The following ANKS1B variants were observed in gnomAD, a reference collection of about 807,000 sequenced individuals.
ANKS1B encodes ankyrin repeat and sterile alpha motif domain-containing protein 1B.
Under a neutral mutation model 148.3 loss-of-function variants are expected in ANKS1B, and 36 were observed. That is an observed-to-expected ratio of 0.24 (90% CI 0.19 to 0.32). The LOEUF is 0.32. ANKS1B is among the 10% of genes least tolerant of loss of function. The pLI is 1.00. For synonymous variants in ANKS1B, 542 were observed against 560.8 expected (o/e 0.97, Z 0.47); for missense variants, 1,157 against 1,542.6 (o/e 0.75, Z 4.19).
chr12:99,470,649 C>G, intron 10 of ANKS1B, among the ~76,000 whole-genome samples: 1 of 152,236 alleles, frequency 6.6e-6, no homozygotes, highest in Middle Eastern at 3.4e-3. Context: ...TTTATGCTAA[C>G]AAGAGTGTGC....
chr12:98,783,899 G>A (rs370287600), intron 22 of ANKS1B, among the ~76,000 whole-genome samples: 1 of 152,242 alleles, frequency 6.6e-6, no homozygotes, highest in South Asian at 2.1e-4. Context: ...CTGGATGCAG[G>A]GAGTCAGGAA....
Position 99,772,872 on chromosome 12 carries a change from G to C in ANKS1B, c.1128+50C>G, listed in dbSNP as rs766008091. The C allele has an allele frequency of 1.1e-5, 17 of 1,552,826 alleles. No homozygotes were observed. In the South Asian group the frequency reaches 2.1e-4, roughly 19 times the overall value. ...CCCATACCTCTTAAGTGTACACACTGAACTGGCAAAGACAGACACATTATC... is the reference window on the plus strand; with the variant it reads ...CCCATACCTCTTAAGTGTACACACTCAACTGGCAAAGACAGACACATTATC... On this transcript the variant is annotated intron_variant, in intron 8 of 26. Transcript: ENST00000683438.
At chr12:99,170,963 G>C (rs1338251342) in intron 14 of ANKS1B, among the ~76,000 whole-genome samples, 1 of 152,120 alleles carries the variant, frequency 6.6e-6, no homozygotes, top group African/African-American at 2.4e-5. Flanking sequence ...ATTTTTGAAG[G>C]TACTGGTTTA....
chr12:99,740,363 C>T (rs7971123), intron 8 of ANKS1B, among the ~76,000 whole-genome samples: 66,489 of 151,804 alleles, frequency 0.44, 14,967 homozygotes, highest in South Asian at 0.61. Flanking sequence ...TCAATAAATA[C>T]AGGCTACTGT....
chr12:99,175,219 A>C (rs1029711602), intron 14 of ANKS1B, among the ~76,000 whole-genome samples: 5 of 152,324 alleles, frequency 3.3e-5, no homozygotes, highest in African/African-American at 1.2e-4. Flanking sequence ...AAAGCCAAAT[A>C]ACATCTTTAA....
At chr12:99,631,322 C>T (rs1287062655) in intron 9 of ANKS1B, among the ~76,000 whole-genome samples, 1 of 151,716 alleles carries the variant, frequency 6.6e-6, no homozygotes, top group East Asian at 1.9e-4. Context: ...AAATTGTTAC[C>T]GAGAAGTGGA....
intron 10 of ANKS1B, among the ~76,000 whole-genome samples, chr12:99,489,275 T>C (rs947162117): frequency 6.7e-6 from 1 of 149,956 alleles, no homozygotes; most frequent in Non-Finnish European, 1.5e-5. Flanking sequence ...CCCACAAATG[T>C]ATATACACCA....
At position 99,784,420 on chromosome 12, in the gene ANKS1B, T is replaced by C. The variant is rs565541341; in HGVS notation, c.670-2323A>G. On this transcript the variant is annotated intron_variant, in intron 4 of 26. Transcript: ENST00000683438. Reference sequence around the variant, plus strand: ...ATCTCCTGACCTCATGATCCACCCGTCTTGGCCTCCCAAAGTGCTGGGATT... The same window carrying C: ...ATCTCCTGACCTCATGATCCACCCGCCTTGGCCTCCCAAAGTGCTGGGATT... 1.6e-3 allele frequency among the ~76,000 whole-genome samples: 247 copies of C among 152,170 alleles called. 1 individual carries two copies. Among genetic ancestry groups the C allele is most frequent in the African/African-American group, 5.4e-3 (224 of 41,520 alleles).
intron 8 of ANKS1B, among the ~76,000 whole-genome samples, chr12:99,679,371 C>T (rs561722132): frequency 1.3e-5 from 2 of 152,258 alleles, no homozygotes; most frequent in South Asian, 4.1e-4. Flanking sequence ...TGCAGTGGCA[C>T]CATCTCGACT....
chr12:99,721,963 TCAAAC>T (rs2058131237), intron 8 of ANKS1B, among the ~76,000 whole-genome samples: 1 of 152,196 alleles, frequency 6.6e-6, no homozygotes, highest in South Asian at 2.1e-4. Context: ...TCTGGAAAGA[TCAAAC>T]CAGCCACAAC....
chr12:98,903,405 C>T (rs894860526), intron 17 of ANKS1B, among the ~76,000 whole-genome samples: 4 of 152,138 alleles, frequency 2.6e-5, no homozygotes, highest in East Asian at 1.9e-4. Context: ...TGTTCAGAGA[C>T]GGTCAGAACC....
At chr12:99,967,014 T>C (rs890200703) in intron 1 of ANKS1B, among the ~76,000 whole-genome samples, 3 of 152,134 alleles carry the variant, frequency 2.0e-5, no homozygotes, top group African/African-American at 7.2e-5. Context: ...CCTGTCTTGG[T>C]GCCTACAGTT....
At chr12:99,446,276 A>G (rs1594930722) in intron 10 of ANKS1B, among the ~76,000 whole-genome samples, 1 of 152,138 alleles carries the variant, frequency 6.6e-6, no homozygotes, top group South Asian at 2.1e-4. Context: ...TTCATATACA[A>G]AAAAACTGGA....
chr12:98,773,288 C>T, intron 24 of ANKS1B, 109 bp from the exon 25 acceptor site: 1 of 1,278,374 alleles, frequency 7.8e-7, no homozygotes, highest in Non-Finnish European at 1.1e-6. Flanking sequence ...CTGGAGTGTT[C>T]TAGACTAGCA....
chr12:99,330,174 G>A (rs916484983), intron 12 of ANKS1B, among the ~76,000 whole-genome samples: 2 of 151,894 alleles, frequency 1.3e-5, no homozygotes, highest in Non-Finnish European at 2.9e-5. Flanking sequence ...ATGGACTAGG[G>A]TAAAGCCTGT....
intron 12 of ANKS1B, among the ~76,000 whole-genome samples, chr12:99,359,399 T>C (rs1205299653): frequency 1.3e-5 from 2 of 152,138 alleles, no homozygotes; most frequent in Non-Finnish European, 2.9e-5. Flanking sequence ...TTACTACCTA[T>C]GTGGCTTGAA....
Position 99,453,153 on chromosome 12 carries a change from G to T in ANKS1B, c.1439-9344C>A, listed in dbSNP as rs576536854. On this transcript the variant is annotated intron_variant, in intron 10 of 26. Transcript: ENST00000683438. ...AAAATACAAAAAATTAGCCAGGCGT[G>T]GTGGTGGGTGCCTGTAGTCCCAGCT... Among the ~76,000 whole-genome samples, 9 of 152,234 alleles carry T rather than the reference G, an allele frequency of 5.9e-5. No homozygotes were observed. The South Asian group carries it at 6.2e-4, about 11-fold the overall frequency.
intron 14 of ANKS1B, among the ~76,000 whole-genome samples, chr12:99,158,089 A>T (rs1324216950): frequency 6.6e-6 from 1 of 152,148 alleles, no homozygotes; most frequent in Non-Finnish European, 1.5e-5. Context: ...AAGGAAAAAA[A>T]AGAAGACCCT....
intron 14 of ANKS1B, among the ~76,000 whole-genome samples, chr12:99,195,929 T>C (rs57117025): frequency 0.015 from 2,346 of 152,242 alleles, 51 homozygotes; most frequent in African/African-American, 0.054. Context: ...TTAACCATTA[T>C]GATGTGATTT....
Sources: gnomAD v4.1 joint callset for allele counts (sites outside exome capture counted in the v4.1 genomes callset) on GRCh38, gnomAD v4.1.1 for gene constraint, MANE v1.5 for transcripts, NCBI Gene and HGNC (gene_info 2026-07-23, HGNC 2026-07-21) for gene names.